CACNA1A: variants seen among roughly 807,000 people sequenced by gnomAD.
CACNA1A encodes calcium voltage-gated channel subunit alpha1 A, also known as voltage-dependent P/Q-type calcium channel subunit alpha-1A.
Under a neutral mutation model 262.4 loss-of-function variants are expected in CACNA1A, and 57 were observed. The ratio of observed to expected loss-of-function variants is 0.22; its 90% confidence interval spans 0.18 to 0.27. The LOEUF (loss-of-function observed/expected upper bound fraction) is 0.27. Ranked by LOEUF, CACNA1A falls within the 10% of genes least tolerant of loss-of-function variation. The pLI, the probability that CACNA1A is intolerant of heterozygous loss-of-function variation, is 1.00. For synonymous variants in CACNA1A, 1,431 were observed against 1,419.3 expected (o/e 1.01, Z -0.18); for missense variants, 2,526 against 3,562.8 (o/e 0.71, Z 7.41).
Position 13,330,288 on chromosome 19 carries a change from T to C in CACNA1A, c.1301A>G (p.Asn434Ser), listed in dbSNP as rs2058444921. Residue 434 changes from asparagine to serine, a missense_variant, in exon 10 of 47, where the codon AAC becomes AGC. Asn to Ser is a conservative substitution (Grantham distance 46). Transcript: ENST00000360228. ...TIKKSKTDLL[N>S]PEEAEDQLAD... ...CAGCTGATCCTCAGCCTCTTCGGGGTTGAGCAAATCTGTCTTGCTTTTCTT... is the reference window on the plus strand; with the variant it reads ...CAGCTGATCCTCAGCCTCTTCGGGGCTGAGCAAATCTGTCTTGCTTTTCTT... 2 of 1,563,988 alleles carry C rather than the reference T, an allele frequency of 1.3e-6. No homozygotes were observed. Among genetic ancestry groups the C allele is most frequent in the Non-Finnish European group, 1.7e-6 (2 of 1,153,336 alleles).
intron 3 of CACNA1A, among the ~76,000 whole-genome samples, chr19:13,414,152 A>C: frequency 6.6e-6 from 1 of 152,004 alleles, no homozygotes; most frequent in East Asian, 1.9e-4. Flanking sequence ...GAGCCAAGGA[A>C]AAAATTGAAA....
chr19:13,384,871 T>C (rs1568594516), intron 3 of CACNA1A, among the ~76,000 whole-genome samples: 1 of 151,806 alleles, frequency 6.6e-6, no homozygotes, highest in Non-Finnish European at 1.5e-5. Flanking sequence ...GGGCTGATGG[T>C]TGAGGGAGAA....
intron 3 of CACNA1A, among the ~76,000 whole-genome samples, chr19:13,408,896 G>A (rs2060059520): frequency 6.6e-6 from 1 of 152,178 alleles, no homozygotes; most frequent in South Asian, 2.1e-4. Flanking sequence ...TGAAGAGTGG[G>A]GTGGGAGGCA....
At chr19:13,292,366 A>T (rs1447709285) in intron 19 of CACNA1A, among the ~76,000 whole-genome samples, 1 of 151,972 alleles carries the variant, frequency 6.6e-6, no homozygotes, top group Admixed American at 6.6e-5. Flanking sequence ...TAATCCCAGC[A>T]CTTTGGGAGG....
intron 10 of CACNA1A, among the ~76,000 whole-genome samples, chr19:13,322,254 T>C (rs1454906530): frequency 3.5e-5 from 5 of 142,976 alleles, no homozygotes; most frequent in Non-Finnish European, 3.0e-5. Context: ...AAGAAGACCA[T>C]ATGACAACAG....
intron 3 of CACNA1A, among the ~76,000 whole-genome samples, chr19:13,404,136 A>G (rs73922385): frequency 0.031 from 4,708 of 152,158 alleles, 223 homozygotes; most frequent in African/African-American, 0.096. Context: ...AGTGCTCAGA[A>G]CAGGTTCATA....
rs957861111 is a variant in CACNA1A, at chr19:13,253,229, G to A, written c.4756-128C>T. On this transcript the variant is annotated intron_variant, in intron 29 of 46. Transcript: ENST00000360228. ...CAGGCAAGGTCTGAGCAACCTCACT[G>A]GTAGGAGGCACAGTTCAGGAAAGCC... The A allele has an allele frequency of 5.4e-6, 3 of 555,596 alleles. No individual in the cohort carries two copies. The African/African-American group carries it at 5.7e-5, about 11-fold the overall frequency. The allele number at this position is 555,596 out of a possible 1,614,324, so 34.4% of individuals were successfully genotyped here. A position where few individuals can be genotyped will look rare whatever the true frequency, so the allele number is the denominator to read the frequency against.
intron 3 of CACNA1A, among the ~76,000 whole-genome samples, chr19:13,442,418 T>C (rs957219518): frequency 6.6e-6 from 1 of 152,136 alleles, no homozygotes; most frequent in Non-Finnish European, 1.5e-5. Flanking sequence ...CTCAGCAAAC[T>C]CTGTGATGCC....
intron 19 of CACNA1A, among the ~76,000 whole-genome samples, chr19:13,287,828 G>C (rs1367510509): frequency 4.7e-5 from 7 of 149,528 alleles, no homozygotes; most frequent in Non-Finnish European, 8.9e-5. Flanking sequence ...TTTCAGACAG[G>C]GTCTTACTCT....
intron 18 of CACNA1A, 101 bp downstream of exon 18, chr19:13,300,449 A>G (rs1349758329): frequency 5.1e-6 from 4 of 780,254 alleles, no homozygotes; most frequent in South Asian, 1.5e-5. Context: ...CCTAAAGCTC[A>G]GTTCTGTCAA....
chr19:13,260,298 GTACATATATATATA>G (rs1038119686), intron 26 of CACNA1A: 4 of 140,582 alleles, frequency 2.8e-5, no homozygotes, highest in Non-Finnish European at 4.6e-5. Flanking sequence ...GTGTGTGCGT[GTACATATATATATA>G]TACATATATA....
chr19:13,499,358 G>C (rs1419287706), intron 1 of CACNA1A, among the ~76,000 whole-genome samples: 2 of 148,176 alleles, frequency 1.3e-5, no homozygotes, highest in East Asian at 4.0e-4. Flanking sequence ...AAAGCTTCCA[G>C]AGAGAACGGA....
chr19:13,493,442 C>A (rs938849760), intron 1 of CACNA1A, among the ~76,000 whole-genome samples: 1 of 152,242 alleles, frequency 6.6e-6, no homozygotes, highest in Non-Finnish European at 1.5e-5. Context: ...CCTCCCCCTA[C>A]ATTCGTGACA....
At position 13,255,263 on chromosome 19, in the gene CACNA1A, C is replaced by A; in HGVS notation, c.4591-4G>T. ...TGGCGAAATCAATGCAGGCCCTCTG[C>A]GGGAGAGAGGCCAGTGGTGAGAGCG... On this transcript the variant is annotated splice_region_variant and splice_polypyrimidine_tract_variant and intron_variant, in intron 28 of 46. Coordinates refer to ENST00000360228, the MANE Select transcript of CACNA1A (RefSeq NM_001127222.2). The A allele has an allele frequency of 6.3e-7, 1 of 1,587,016 alleles. No homozygotes were observed. The highest frequency in any genetic ancestry group is 1.8e-4 in the Middle Eastern group (1 of 5,636).
intron 1 of CACNA1A, among the ~76,000 whole-genome samples, chr19:13,477,348 A>G (rs1978673497): frequency 1.3e-5 from 2 of 152,142 alleles, no homozygotes; most frequent in Admixed American, 6.5e-5. Context: ...TTTGTTTCTT[A>G]TCATACATCT....
At chr19:13,400,126 C>T (rs1332160227) in intron 3 of CACNA1A, among the ~76,000 whole-genome samples, 1 of 152,074 alleles carries the variant, frequency 6.6e-6, no homozygotes, top group Non-Finnish European at 1.5e-5. Context: ...ATAGGGTCAC[C>T]CCAAAGCAAG....
At chr19:13,497,570 ATAT>A (rs1981833736) in intron 1 of CACNA1A, among the ~76,000 whole-genome samples, 5 of 36,968 alleles carry the variant, frequency 1.4e-4, no homozygotes, top group Admixed American at 4.7e-4. Context: ...ATATATATAT[ATAT>A]ATATATAAAT....
Position 13,320,237 on chromosome 19 carries a change from C to CGAGAGAGAGAGAGAGAGAGAGAGAGAGA in CACNA1A, c.1346-2944_1346-2917dup, listed in dbSNP as rs146095824. 3.9e-5 allele frequency among the ~76,000 whole-genome samples: 5 copies of CGAGAGAGAGAGAGAGAGAGAGAGAGAGA among 127,246 alleles called. No homozygotes were observed. The South Asian group carries it at 1.1e-3, about 29-fold the overall frequency. The allele number at this position is 127,246 out of a possible 152,430, so 83.5% of individuals were successfully genotyped here. On this transcript the variant is annotated intron_variant, in intron 10 of 46. Transcript: ENST00000360228. ...GGGACAGGGGGGATGTTCCACAGAT[C>CGAGAGAGAGAGAGAGAGAGAGAGAGAGA]GAGAGAGAGAGAGAGAGAGAGAGAG...
intron 3 of CACNA1A, among the ~76,000 whole-genome samples, chr19:13,404,169 C>CAT (rs748412328): frequency 2.2e-3 from 324 of 148,546 alleles, no homozygotes; most frequent in African/African-American, 6.3e-3. Flanking sequence ...CACATATGTG[C>CAT]ATATATATAT....
Sources: allele counts gnomAD v4.1 joint callset (sites outside exome capture counted in the v4.1 genomes callset), GRCh38; gene constraint gnomAD v4.1.1; transcripts MANE v1.5; gene names NCBI Gene and HGNC (gene_info 2026-07-23, HGNC 2026-07-21).